Variants in TLL2 observed in about 807,000 individuals in gnomAD.
TLL2 encodes tolloid-like protein 2.
TLL2 carries 106 observed loss-of-function variants against 123.0 expected under a neutral mutation model. That is an observed-to-expected ratio of 0.86 (90% CI 0.74 to 1.01). The LOEUF (loss-of-function observed/expected upper bound fraction) is 1.01. Among genes scored for constraint, TLL2 ranks in the 50% least tolerant of loss-of-function variants. The pLI is 0.00. For missense variants in TLL2, 1,332 were observed against 1,336.7 expected (o/e 1.00, Z 0.06); for synonymous variants, 494 against 516.8 (o/e 0.96, Z 0.60).
At chr10:96,447,869 A>T (rs1449120073) in intron 2 of TLL2, among the ~76,000 whole-genome samples, 1 of 152,160 alleles carries the variant, frequency 6.6e-6, no homozygotes, top group South Asian at 2.1e-4. Flanking sequence ...TGCCCAGCCC[A>T]TCAGGGAAGC....
intron 14 of TLL2, among the ~76,000 whole-genome samples, chr10:96,386,459 C>T (rs1234322708): frequency 6.6e-5 from 10 of 152,338 alleles, no homozygotes; most frequent in South Asian, 4.1e-4. Flanking sequence ...TTTCCTTTCA[C>T]CCAGTGGCAG....
At chr10:96,494,854 GA>G (rs1172876714) in intron 1 of TLL2, among the ~76,000 whole-genome samples, 1 of 152,152 alleles carries the variant, frequency 6.6e-6, no homozygotes, top group African/African-American at 2.4e-5. Context: ...TTGACATGCG[GA>G]TCCCCAGGCC....
intron 16 of TLL2, among the ~76,000 whole-genome samples, chr10:96,381,037 A>G (rs1846182879): frequency 6.7e-6 from 1 of 149,280 alleles, no homozygotes; most frequent in Non-Finnish European, 1.5e-5. Context: ...GCACTGACCC[A>G]CCTCTCTCCC....
intron 2 of TLL2, among the ~76,000 whole-genome samples, chr10:96,450,785 T>C: frequency 6.6e-6 from 1 of 152,232 alleles, no homozygotes; most frequent in Non-Finnish European, 1.5e-5. Flanking sequence ...GACTGAGGGC[T>C]GGGAGGGGAG....
intron 4 of TLL2, among the ~76,000 whole-genome samples, chr10:96,429,019 G>C (rs1846709485): frequency 6.6e-6 from 1 of 152,058 alleles, no homozygotes; most frequent in Non-Finnish European, 1.5e-5. Flanking sequence ...GGTCAGGCTA[G>C]TCTTGACTCC....
chr10:96,513,570 A>G lies in TLL2; in HGVS notation c.116T>C (p.Leu39Pro), dbSNP rs150827499. 6.2e-7 allele frequency: 1 copy of G among 1,610,944 alleles called. No homozygotes were observed. The highest frequency in any genetic ancestry group is 8.5e-7 in the Non-Finnish European group (1 of 1,179,684). Residue 39 changes from leucine to proline, a missense_variant, in exon 1 of 21, where the codon CTG becomes CCG. Coordinates refer to ENST00000357947, the MANE Select transcript of TLL2 (RefSeq NM_012465.4). The stretch of plus-strand genomic sequence containing the variant: ...CTGCTCCGTGCCCTCCTCGCCGTCC[A>G]GCTCTGAGTAGTCTGCGGTGGCGTC... The part of the protein sequence containing the change: ...RPDATADYSE[L>P]DGEEGTEQQL...
chr10:96,458,218 T>C (rs1220058869), intron 2 of TLL2, among the ~76,000 whole-genome samples: 1 of 152,078 alleles, frequency 6.6e-6, no homozygotes, highest in Non-Finnish European at 1.5e-5. Flanking sequence ...CCCTGCTGGA[T>C]GGGAGGAGAT....
In TLL2 at chr10:96,368,075, A is replaced by G; in HGVS notation, c.*13T>C. On this transcript the variant is annotated 3_prime_UTR_variant, in exon 21 of 21. Coordinates refer to ENST00000357947, the MANE Select transcript of TLL2 (RefSeq NM_012465.4). Reference sequence around the variant, plus strand: ...AAAAAATTCTCAGTTTCTGTCTTTCAAGAACATCAGCACTATTTCTTCATG... The same window carrying G: ...AAAAAATTCTCAGTTTCTGTCTTTCGAGAACATCAGCACTATTTCTTCATG... 6.2e-7 allele frequency: 1 copy of G among 1,611,644 alleles called. No homozygotes were observed. The highest frequency in any genetic ancestry group is 8.5e-7 in the Non-Finnish European group (1 of 1,179,042).
Position 96,422,849 on chromosome 10 carries a change from C to A in TLL2, c.639-122G>T, listed in dbSNP as rs561513107. On this transcript the variant is annotated intron_variant, in intron 5 of 20. Coordinates refer to ENST00000357947, the MANE Select transcript of TLL2 (RefSeq NM_012465.4). ...CATGTAAAAGAACAGAATTTCAGGC[C>A]GGGTGCAGTGGCTTACGCCTGTAAT... 30 of 1,210,926 alleles carry A rather than the reference C, an allele frequency of 2.5e-5. No individual in the cohort carries two copies. In the African/African-American group the frequency reaches 4.5e-4, roughly 18 times the overall value. 75.0% of individuals were successfully genotyped at this position (1,210,926 alleles called of 1,614,324 possible).
At chr10:96,443,136 G>A (rs1017124922) in intron 3 of TLL2, among the ~76,000 whole-genome samples, 5 of 152,176 alleles carry the variant, frequency 3.3e-5, no homozygotes, top group Non-Finnish European at 7.4e-5. Flanking sequence ...AGAGGCAAGG[G>A]GGGAAGGTGG....
intron 20 of TLL2, among the ~76,000 whole-genome samples, chr10:96,369,692 C>CAG (rs1377116919): frequency 7.0e-6 from 1 of 142,570 alleles, no homozygotes; most frequent in African/African-American, 2.6e-5. Context: ...ACTCAGGAGG[C>CAG]AGAGGTTGCA....
At chr10:96,372,923 C>T (rs1415638028) in intron 19 of TLL2, among the ~76,000 whole-genome samples, 1 of 152,134 alleles carries the variant, frequency 6.6e-6, no homozygotes, top group East Asian at 1.9e-4. Flanking sequence ...CTCCTGGGCT[C>T]AAGCAATCCT....
chr10:96,478,390 G>A (rs1003965045), intron 2 of TLL2, among the ~76,000 whole-genome samples: 1 of 152,346 alleles, frequency 6.6e-6, no homozygotes, highest in South Asian at 2.1e-4. Context: ...CACTTAGAGC[G>A]TAAAGTGGTA....
intron 2 of TLL2, among the ~76,000 whole-genome samples, chr10:96,476,856 T>A (rs138874657): frequency 1.7e-5 from 1 of 57,742 alleles, no homozygotes; most frequent in Non-Finnish European, 3.4e-5. Context: ...CCCTTTTATG[T>A]TACACACACA....
intron 1 of TLL2, among the ~76,000 whole-genome samples, chr10:96,498,109 A>G (rs954213887): frequency 8.5e-5 from 13 of 152,224 alleles, no homozygotes; most frequent in African/African-American, 3.1e-4. Context: ...CATAAGCCCT[A>G]ATAGCTTCAC....
chr10:96,379,988 A>C (rs1387820018), intron 16 of TLL2, among the ~76,000 whole-genome samples: 2 of 152,224 alleles, frequency 1.3e-5, no homozygotes, highest in Non-Finnish European at 2.9e-5. Context: ...CACACAGCAG[A>C]GGGCCAGCCC....
intron 1 of TLL2, among the ~76,000 whole-genome samples, chr10:96,513,161 C>A (rs900045562): frequency 6.6e-6 from 1 of 152,132 alleles, no homozygotes; most frequent in Non-Finnish European, 1.5e-5. Context: ...CTCTTCTGCT[C>A]CGGCCCGGAG....
intron 2 of TLL2, among the ~76,000 whole-genome samples, chr10:96,447,166 TCCAGAAGGAG>T (rs1846903943): frequency 6.6e-6 from 1 of 152,024 alleles, no homozygotes; most frequent in South Asian, 2.1e-4. Flanking sequence ...AGGGGAAGGA[TCCAGAAGGAG>T]CCTAGACGGG....
chr10:96,403,089 G>A (rs1589413201), intron 10 of TLL2, among the ~76,000 whole-genome samples: 2 of 152,192 alleles, frequency 1.3e-5, no homozygotes, highest in South Asian at 2.1e-4. Flanking sequence ...CTCTACGAGT[G>A]AGGACAATAC....
Sources: allele counts gnomAD v4.1 joint callset (sites outside exome capture counted in the v4.1 genomes callset), GRCh38; gene constraint gnomAD v4.1.1; transcripts MANE v1.5; gene names NCBI Gene and HGNC (gene_info 2026-07-23, HGNC 2026-07-21).